The following ABLIM1 variants were observed in gnomAD, a reference collection of about 807,000 sequenced individuals.
ABLIM1 encodes actin-binding LIM protein 1.
Under a neutral mutation model 107.0 loss-of-function variants are expected in ABLIM1, and 40 were observed. The observed-to-expected ratio is 0.37, with a 90% CI of 0.29 to 0.49. The LOEUF is 0.49. Among genes scored for constraint, ABLIM1 ranks in the 20% least tolerant of loss-of-function variants. The pLI, the probability that ABLIM1 is intolerant of heterozygous loss-of-function variation, is 0.97. For synonymous variants in ABLIM1, 357 were observed against 357.3 expected (o/e 1.00, Z 0.01); for missense variants, 857 against 1,008.5 (o/e 0.85, Z 2.04).
At chr10:114,485,440 AT>A in intron 8 of ABLIM1, 1 of 1,422,224 alleles carries the variant, frequency 7.0e-7, no homozygotes. Context: ...AATCAGAAGA[AT>A]TATTTTAAAA....
the ABLIM1 span, among the ~76,000 whole-genome samples, chr10:114,773,737 A>C: frequency 1.3e-5 from 2 of 152,096 alleles, no homozygotes; most frequent in African/African-American, 4.8e-5. Flanking sequence ...CAAACAAACA[A>C]AACAAAAAAA....
chr10:114,800,383 G>C, the ABLIM1 span, among the ~76,000 whole-genome samples: 1 of 152,160 alleles, frequency 6.6e-6, no homozygotes, highest in East Asian at 1.9e-4. Flanking sequence ...TGTAGGTGAA[G>C]AAACCATTTA....
chr10:114,461,219 T>A (rs893297963), intron 12 of ABLIM1, among the ~76,000 whole-genome samples: 2 of 151,892 alleles, frequency 1.3e-5, no homozygotes, highest in South Asian at 4.1e-4. Flanking sequence ...CGCACCACCA[T>A]GCCCGGCTAA....
At chr10:114,711,500 C>T (rs893577270) in intron 1 of ABLIM1, among the ~76,000 whole-genome samples, 7 of 152,176 alleles carry the variant, frequency 4.6e-5, no homozygotes, top group East Asian at 3.8e-4. Flanking sequence ...CCAGCCCCCA[C>T]GCTAAACCTG....
chr10:114,683,597 G>A (rs2080840334), intron 1 of ABLIM1, among the ~76,000 whole-genome samples: 1 of 152,108 alleles, frequency 6.6e-6, no homozygotes, highest in African/African-American at 2.4e-5. Flanking sequence ...AAGGAGGGAG[G>A]GGGCCCAGCC....
chr10:114,605,308 G>A (rs926577789), intron 1 of ABLIM1, among the ~76,000 whole-genome samples: 24 of 152,108 alleles, frequency 1.6e-4, no homozygotes, highest in Non-Finnish European at 2.5e-4. Context: ...TTGTTGACTC[G>A]ATGCTACAAT....
chr10:114,497,696 A>AT (rs2059884497), intron 6 of ABLIM1, among the ~76,000 whole-genome samples: 1 of 142,268 alleles, frequency 7.0e-6, no homozygotes, highest in Admixed American at 7.0e-5. Context: ...AAAAAAAAAA[A>AT]AAAAAAAAAA....
At chr10:114,742,747 C>T (rs895278651) in intron 1 of ABLIM1, among the ~76,000 whole-genome samples, 62 of 152,100 alleles carry the variant, frequency 4.1e-4, no homozygotes, top group African/African-American at 1.5e-3. Context: ...TGGCAAACCT[C>T]GAGAAACCCT....
chr10:114,515,857 C>T (rs536555293), intron 6 of ABLIM1, among the ~76,000 whole-genome samples: 25 of 152,112 alleles, frequency 1.6e-4, no homozygotes, highest in African/African-American at 6.0e-4. Context: ...TGGAAGAGGC[C>T]AGAAGCTGGA....
intron 1 of ABLIM1, among the ~76,000 whole-genome samples, chr10:114,638,668 CAA>C (rs2078596999): frequency 1.6e-5 from 2 of 124,298 alleles, no homozygotes; most frequent in African/African-American, 6.0e-5. Context: ...CACACACACA[CAA>C]GCATTTCTGT....
rs35469132 is a variant in ABLIM1 at position 114,458,094 on chromosome 10, C to CTGTG, written c.1442-4615_1442-4612dup. ...CCTCAAAACAAAAAACAAAACTACT[C>CTGTG]TGTGTGTGTGTGTGTGTGTGTGCGC... On this transcript the variant is annotated intron_variant, in intron 12 of 22. Coordinates refer to ENST00000533213, the MANE Select transcript of ABLIM1 (RefSeq NM_002313.7). Among the ~76,000 whole-genome samples, 269 of 149,478 alleles carry CTGTG rather than the reference C, an allele frequency of 1.8e-3. 1 individual carries two copies. The highest frequency in any genetic ancestry group is 0.014 in the Middle Eastern group (4 of 292).
At chr10:114,588,487 C>CTTTTTTTTTT (rs34043960) in intron 2 of ABLIM1, among the ~76,000 whole-genome samples, 15 of 76,558 alleles carry the variant, frequency 2.0e-4, no homozygotes, top group African/African-American at 6.0e-4. Flanking sequence ...TTCTTTCTTT[C>CTTTTTTTTTT]TTTTTTTTTT....
rs1224507665 is a variant in ABLIM1, at chr10:114,465,769, T to G, written c.1370A>C (p.Asn457Thr). The change falls in exon 12 of 23, where the codon AAC (asparagine) becomes ACC (threonine). Residue 457 changes from asparagine (N) to threonine (T), a missense_variant. Coordinates refer to ENST00000533213, the MANE Select transcript of ABLIM1 (RefSeq NM_002313.7). Reference protein sequence around the residue: ...IHRSTSQGSINSPVYSRHSYT... With the variant: ...IHRSTSQGSITSPVYSRHSYT... ...GCTGTGGCGGCTGTACACAGGGGAG[T>G]TGATGGAGCCCTGGCTCGTGGACCG... 1.9e-6 allele frequency: 3 copies of G among 1,612,602 alleles called. No individual in the cohort carries two copies. Among genetic ancestry groups the G allele is most frequent in the South Asian group, 2.2e-5 (2 of 91,002 alleles).
Position 114,463,313 on chromosome 10 carries a change from G to T in ABLIM1, c.1441+2385C>A, listed in dbSNP as rs1362379218. The T allele has an allele frequency of 1.9e-5, 16 of 823,010 alleles. No individual in the cohort carries two copies. In the Admixed American group the frequency reaches 5.3e-4, roughly 27 times the overall value. 51.0% of individuals were successfully genotyped at this position (823,010 alleles called of 1,614,324 possible). Reference sequence around the variant, plus strand: ...GGCTGAAAAGGGAGGAAGGAGAAAGGGTTAAGAGTGCACCTGCTAAGGCTG... The same window carrying T: ...GGCTGAAAAGGGAGGAAGGAGAAAGTGTTAAGAGTGCACCTGCTAAGGCTG... On this transcript the variant is annotated intron_variant, in intron 12 of 22. Transcript: ENST00000533213.
intron 8 of ABLIM1, among the ~76,000 whole-genome samples, chr10:114,480,395 TA>T (rs2057159304): frequency 6.6e-6 from 1 of 152,220 alleles, no homozygotes; most frequent in Non-Finnish European, 1.5e-5. Flanking sequence ...TTCTACAGAA[TA>T]AAGGAAACAG....
the ABLIM1 span, among the ~76,000 whole-genome samples, chr10:114,780,878 A>G: frequency 2.6e-5 from 4 of 152,166 alleles, no homozygotes; most frequent in Non-Finnish European, 5.9e-5. Flanking sequence ...GGAGTTCAGG[A>G]AAATTTTGTT....
chr10:114,450,639 G>A (rs116195993), intron 14 of ABLIM1, among the ~76,000 whole-genome samples: 4,165 of 151,660 alleles, frequency 0.027, 196 homozygotes, highest in African/African-American at 0.097. Context: ...ACAGGGTTTC[G>A]CTACATTGGT....
the ABLIM1 span, among the ~76,000 whole-genome samples, chr10:114,792,373 T>C: frequency 6.6e-6 from 1 of 152,228 alleles, no homozygotes; most frequent in South Asian, 2.1e-4. Context: ...GACACAGGTT[T>C]TGAATTGGTC....
intron 1 of ABLIM1, among the ~76,000 whole-genome samples, chr10:114,604,664 C>T (rs1047599618): frequency 3.9e-5 from 6 of 152,198 alleles, no homozygotes; most frequent in Admixed American, 2.6e-4. Flanking sequence ...AATATGAATA[C>T]GCCAGCTATG....
Sources: gnomAD v4.1 joint callset for allele counts (sites outside exome capture counted in the v4.1 genomes callset) on GRCh38, gnomAD v4.1.1 for gene constraint, MANE v1.5 for transcripts, NCBI Gene and HGNC (gene_info 2026-07-23, HGNC 2026-07-21) for gene names.